Variants in RIPPLY2 observed in about 807,000 individuals in gnomAD.
RIPPLY2 encodes ripply transcriptional repressor 2.
RIPPLY2 carries 20 observed loss-of-function variants against 17.7 expected under a neutral mutation model. That is an observed-to-expected ratio of 1.13 (90% CI 0.79 to 1.64). The LOEUF (loss-of-function observed/expected upper bound fraction) is 1.64, where lower values mean the gene tolerates loss of function less well. Among genes scored for constraint, RIPPLY2 ranks in the 40% most tolerant of loss-of-function variants. RIPPLY2 has a pLI of 0.00. For missense variants in RIPPLY2, 213 were observed against 169.8 expected, an observed-to-expected ratio of 1.25 and a Z score of -1.41; for synonymous variants, 69 against 63.9, an observed-to-expected ratio of 1.08 and a Z score of -0.38.
At position 83,853,522 on chromosome 6, in the gene RIPPLY2, C is replaced by A; in HGVS notation, c.95+11C>A. On this transcript the variant is annotated intron_variant, in intron 1 of 3. Coordinates refer to ENST00000369689, the MANE Select transcript of RIPPLY2 (RefSeq NM_001009994.3). ...GGGCGCGGACTCCGGGTAGGCTTCC[C>A]CGCGCTGCTCTGCGCCTCCCAGCTT... 2 of 1,536,918 alleles carry A rather than the reference C, an allele frequency of 1.3e-6. No homozygotes were observed. The highest frequency in any genetic ancestry group is 1.7e-6 in the Non-Finnish European group (2 of 1,145,216).
rs1250872046 is a variant in RIPPLY2, at chr6:83,853,427, C to A, written c.11C>A (p.Ala4Glu). Reference sequence around the variant, plus strand: ...CAGCTCTGCGGCGTCATGGAGAACGCGGGAGGCGCAGAGGGTACAGAGAGT... The same window carrying A: ...CAGCTCTGCGGCGTCATGGAGAACGAGGGAGGCGCAGAGGGTACAGAGAGT... MEN[A>E]GGAEGTESGA... The change falls in exon 1 of 4, where the codon GCG becomes GAG. Residue 4 changes from alanine to glutamate, a missense_variant. Ala to Glu is a moderately radical substitution (Grantham distance 107). Coordinates refer to ENST00000369689, the MANE Select transcript of RIPPLY2 (RefSeq NM_001009994.3). 6 of 1,543,584 alleles carry A rather than the reference C, an allele frequency of 3.9e-6. No individual in the cohort carries two copies. In the South Asian group the frequency reaches 6.0e-5, roughly 15 times the overall value.
At chr6:83,856,806 G>A (rs778259563) in intron 3 of RIPPLY2, 1 of 152,000 alleles carries the variant, frequency 6.6e-6, no homozygotes, top group Non-Finnish European at 1.5e-5. Flanking sequence ...TTTTTGTAAG[G>A]TGCATAATAT....
chr6:83,853,566 G>A, intron 1 of RIPPLY2, 55 bp downstream of exon 1: 1 of 1,533,092 alleles, frequency 6.5e-7, no homozygotes, highest in Non-Finnish European at 8.7e-7. Context: ...TCTCCCTCCT[G>A]CGCCTCCCCA....
intron 3 of RIPPLY2, chr6:83,856,389 G>C (rs1248390092): frequency 6.6e-6 from 1 of 152,174 alleles, no homozygotes; most frequent in Non-Finnish European, 1.5e-5. Context: ...TGACTCCATT[G>C]TATGGATATA....
At position 83,853,427 on chromosome 6, in the gene RIPPLY2, CG is replaced by C; in HGVS notation, c.14del (p.Gly5GlufsTer61). MEN[A>X]GGAEGTESGA... ...CAGCTCTGCGGCGTCATGGAGAACGCGGGAGGCGCAGAGGGTACAGAGAGTG... is the reference window on the plus strand; with the variant it reads ...CAGCTCTGCGGCGTCATGGAGAACGCGGAGGCGCAGAGGGTACAGAGAGTG... On this transcript the variant is annotated frameshift_variant, in exon 1 of 4. Transcript: ENST00000369689. LOFTEE classifies it high-confidence loss of function. 1 of 1,543,582 alleles carries C rather than the reference CG, an allele frequency of 6.5e-7. No individual in the cohort carries two copies. The highest frequency in any genetic ancestry group is 8.7e-7 in the Non-Finnish European group (1 of 1,146,426).
chr6:83,853,523 C>T lies in RIPPLY2; in HGVS notation c.95+12C>T. The T allele has an allele frequency of 6.5e-7, 1 of 1,536,916 alleles. No individual in the cohort carries two copies. Among genetic ancestry groups the T allele is most frequent in the South Asian group, 1.2e-5 (1 of 83,582 alleles). ...GGCGCGGACTCCGGGTAGGCTTCCCCGCGCTGCTCTGCGCCTCCCAGCTTC... is the reference window on the plus strand; with the variant it reads ...GGCGCGGACTCCGGGTAGGCTTCCCTGCGCTGCTCTGCGCCTCCCAGCTTC... On this transcript the variant is annotated intron_variant, in intron 1 of 3. Transcript: ENST00000369689.
intron 1 of RIPPLY2, 36 bp downstream of exon 1, chr6:83,853,547 TC>T: frequency 1.3e-6 from 2 of 1,535,692 alleles, no homozygotes; most frequent in Non-Finnish European, 1.7e-6. Flanking sequence ...CCTCCCAGCT[TC>T]CCCCGTCTCT....
chr6:83,853,468 G>C lies in RIPPLY2; in HGVS notation c.52G>C (p.Ala18Pro). Reference sequence around the variant, plus strand: ...TACAGAGAGTGGAGCTGCGGCGTGCGCGGCCACCGACGGCCCTACGCGGCG... The same window carrying C: ...TACAGAGAGTGGAGCTGCGGCGTGCCCGGCCACCGACGGCCCTACGCGGCG... Reference protein sequence around the residue: ...EGTESGAAACAATDGPTRRAG... With the variant: ...EGTESGAAACPATDGPTRRAG... The change falls in exon 1 of 4, where the codon GCG becomes CCG. Residue 18 changes from alanine to proline, a missense_variant. Coordinates refer to ENST00000369689, the MANE Select transcript of RIPPLY2 (RefSeq NM_001009994.3). The C allele has an allele frequency of 6.5e-7, 1 of 1,541,820 alleles. No homozygotes were observed.
chr6:83,854,448 C>T, intron 3 of RIPPLY2: 1 of 462,872 alleles, frequency 2.2e-6, no homozygotes, highest in African/African-American at 1.9e-5. Context: ...CTTGTGCTGG[C>T]AAAACAGTTT....
intron 3 of RIPPLY2, chr6:83,855,274 C>T (rs1162046450): frequency 2.6e-5 from 4 of 152,014 alleles, no homozygotes; most frequent in Admixed American, 1.3e-4. Context: ...GGCTTTATTC[C>T]GAAGGTAGTC....
In RIPPLY2 at chr6:83,853,449, G is replaced by A. The variant is rs964691869; in HGVS notation, c.33G>A (p.Glu11=). 6 of 1,543,762 alleles carry A rather than the reference G, an allele frequency of 3.9e-6. No homozygotes were observed. The highest frequency in any genetic ancestry group is 2.7e-5 in the African/African-American group (2 of 72,942). ...ACGCGGGAGGCGCAGAGGGTACAGA[G>A]AGTGGAGCTGCGGCGTGCGCGGCCA... The part of the protein sequence containing the change: MENAGGAEGT[E]SGAAACAATD... Residue 11 remains glutamate (E), a synonymous_variant, in exon 1 of 4, where the codon GAG becomes GAA. Transcript: ENST00000369689.
rs1160143133 is a variant in RIPPLY2 at position 83,854,090 on chromosome 6, T to A, written c.175-7T>A. ...TGATAACTGGATTCACTTCCTTTCCTCTCCAGATGCCCGATGGCCCTGGAA... is the reference window on the plus strand; with the variant it reads ...TGATAACTGGATTCACTTCCTTTCCACTCCAGATGCCCGATGGCCCTGGAA... On this transcript the variant is annotated splice_polypyrimidine_tract_variant and splice_region_variant and intron_variant, in intron 2 of 3. Transcript: ENST00000369689. The A allele has an allele frequency of 1.2e-6, 2 of 1,613,458 alleles. No individual in the cohort carries two copies. Among genetic ancestry groups the A allele is most frequent in the Non-Finnish European group, 1.7e-6 (2 of 1,179,448 alleles).
chr6:83,853,537 C>G, intron 1 of RIPPLY2, 26 bp downstream of exon 1: 1 of 1,536,038 alleles, frequency 6.5e-7, no homozygotes. Flanking sequence ...CTGCTCTGCG[C>G]CTCCCAGCTT....
chr6:83,854,142 C>T lies in RIPPLY2; in HGVS notation c.220C>T (p.Gln74Ter). The T allele has an allele frequency of 1.2e-6, 2 of 1,614,096 alleles. No individual in the cohort carries two copies. Among genetic ancestry groups the T allele is most frequent in the Non-Finnish European group, 1.7e-6 (2 of 1,179,990 alleles). ...GACCGCAGCCTCAGGAAAGCTTTAC[C>T]AATTCAGGCACCCAGTCAGGTGAGT... is the stretch of plus-strand genomic sequence containing the variant. ...GMTAASGKLY[Q>*]FRHPVRLFWP... Residue 74 changes from glutamine (Q) to a stop codon, truncating the protein, a stop_gained, in exon 3 of 4, where the codon CAA (glutamine) becomes TAA (stop). Coordinates refer to ENST00000369689, the MANE Select transcript of RIPPLY2 (RefSeq NM_001009994.3). LOFTEE classifies it high-confidence loss of function.
chr6:83,853,356 C>T (rs1195104476), upstream of RIPPLY2: 7 of 1,420,168 alleles, frequency 4.9e-6, no homozygotes, highest in Non-Finnish European at 6.7e-6. Flanking sequence ...CTCGGACCTA[C>T]TGGAACTGGT....
chr6:83,854,843 T>C (rs2099454759), intron 3 of RIPPLY2: 1 of 152,320 alleles, frequency 6.6e-6, no homozygotes. Context: ...CACATAGAAG[T>C]CATTACATCT....
At position 83,853,497 on chromosome 6, in the gene RIPPLY2, G is replaced by A. The variant is rs1394557176; in HGVS notation, c.81G>A (p.Ala27=). 5 of 1,538,666 alleles carry A rather than the reference G, an allele frequency of 3.2e-6. No individual in the cohort carries two copies. Among genetic ancestry groups the A allele is most frequent in the Admixed American group, 2.0e-5 (1 of 49,912 alleles). The part of the protein sequence containing the change: ...CAATDGPTRR[A]GADSGYAGFW... Reference sequence around the variant, plus strand: ...CCACCGACGGCCCTACGCGGCGCGCGGGCGCGGACTCCGGGTAGGCTTCCC... The same window carrying A: ...CCACCGACGGCCCTACGCGGCGCGCAGGCGCGGACTCCGGGTAGGCTTCCC... Residue 27 remains alanine (A), a synonymous_variant, in exon 1 of 4, where the codon GCG becomes GCA. Transcript: ENST00000369689.
At chr6:83,854,385 T>A (rs111562590) in intron 3 of RIPPLY2, 5 of 578,000 alleles carry the variant, frequency 8.7e-6, no homozygotes, top group African/African-American at 7.5e-5. Context: ...GTGAACTTGA[T>A]GAATATATTA....
At chr6:83,856,409 T>G (rs375113086) in intron 3 of RIPPLY2, 5 of 152,220 alleles carry the variant, frequency 3.3e-5, no homozygotes, top group African/African-American at 1.2e-4. Context: ...ATGGGCTGTT[T>G]ACCCTGCACT....
Sources: gnomAD v4.1 joint callset for allele counts on GRCh38, gnomAD v4.1.1 for gene constraint, MANE v1.5 for transcripts, NCBI Gene and HGNC (gene_info 2026-07-23, HGNC 2026-07-21) for gene names.